PROX1: variants seen among roughly 807,000 people sequenced by gnomAD.
The protein encoded by PROX1 is prospero homeobox protein 1.
PROX1 carries 7 observed loss-of-function variants against 58.8 expected under a neutral mutation model. The observed-to-expected ratio is 0.12, with a 90% confidence interval of 0.07 to 0.22. The LOEUF (loss-of-function observed/expected upper bound fraction) is 0.22. PROX1 is among the 10% of genes least tolerant of loss of function. The pLI is 1.00. For synonymous variants in PROX1, 350 were observed against 358.3 expected (o/e 0.98, Z 0.26); for missense variants, 675 against 927.8 (o/e 0.73, Z 3.54).
Position 213,997,186 on chromosome 1 carries a change from G to A in PROX1, c.651G>A (p.Gln217=). The change falls in exon 2 of 5, where the codon CAG becomes CAA. Residue 217 remains glutamine (Q), a synonymous_variant. Coordinates refer to ENST00000366958, the MANE Select transcript of PROX1 (RefSeq NM_001270616.2). The surrounding 1 kb of genome is among the most constrained non-coding windows in gnomAD (Gnocchi z 7.1). ...GCAAGCAAAAGCTTCCCCAGCAGCAGCAACAGAGTTTCCAGCAGCTGGTTT... is the reference window on the plus strand; with the variant it reads ...GCAAGCAAAAGCTTCCCCAGCAGCAACAACAGAGTTTCCAGCAGCTGGTTT... The part of the protein sequence containing the change: ...NKRKQKLPQQ[Q]QQSFQQLVSA... The A allele has an allele frequency of 6.2e-7, 1 of 1,613,570 alleles. No individual in the cohort carries two copies. The highest frequency in any genetic ancestry group is 8.5e-7 in the Non-Finnish European group (1 of 1,179,890).
intron 3 of PROX1, among the ~76,000 whole-genome samples, chr1:214,007,071 T>C (rs949228570): frequency 6.6e-6 from 1 of 152,170 alleles, no homozygotes; most frequent in African/African-American, 2.4e-5. Flanking sequence ...TGCGTGCATG[T>C]GTGTGGTGTG....
intron 3 of PROX1, among the ~76,000 whole-genome samples, chr1:214,009,865 G>A (rs1663847793): frequency 6.6e-6 from 1 of 152,070 alleles, no homozygotes. Context: ...CTATCATTTT[G>A]TAATGTTTTG....
intron 1 of PROX1, among the ~76,000 whole-genome samples, chr1:213,989,536 G>A (rs1238872104): frequency 6.6e-6 from 1 of 152,072 alleles, no homozygotes; most frequent in Non-Finnish European, 1.5e-5. Flanking sequence ...AGGAGGACTG[G>A]GGAGGGAGGA....
intron 4 of PROX1, among the ~76,000 whole-genome samples, chr1:214,033,119 C>A (rs1339122737): frequency 6.6e-6 from 1 of 152,154 alleles, no homozygotes; most frequent in Non-Finnish European, 1.5e-5. Context: ...CTGTGCAGTT[C>A]TTGGTGTGGG....
rs185972669 is a variant in PROX1 at position 214,005,321 on chromosome 1, A to T, written c.1833+49A>T. ...TTTTTTCATTTTCTATGCATGTGGC[A>T]GTAATTTGAACTCCCGGAAGTTAAT... On this transcript the variant is annotated intron_variant, in intron 3 of 4. Transcript: ENST00000366958. The T allele has an allele frequency of 6.3e-6, 9 of 1,430,152 alleles. No individual in the cohort carries two copies. The African/African-American group carries it at 1.1e-4, about 18-fold the overall frequency. The allele number at this position is 1,430,152 out of a possible 1,614,324, so 88.6% of individuals were successfully genotyped here.
At chr1:214,017,159 C>A (rs755596310) in intron 4 of PROX1, among the ~76,000 whole-genome samples, 9 of 151,778 alleles carry the variant, frequency 5.9e-5, no homozygotes, top group African/African-American at 1.7e-4. Context: ...TTCAGAGGAG[C>A]CTTTAGAAAA....
intron 2 of PROX1, among the ~76,000 whole-genome samples, chr1:214,001,763 G>C (rs1663519340): frequency 6.6e-6 from 1 of 151,958 alleles, no homozygotes; most frequent in Non-Finnish European, 1.5e-5. Flanking sequence ...GGAGGCTATA[G>C]TACTTATATT....
At position 213,998,021 on chromosome 1, in the gene PROX1, C is replaced by T; in HGVS notation, c.1486C>T (p.Pro496Ser). ...CTTGATGGCCTATCCATTTCAGAGC[C>T]CATTAGGTGCTCCCTCCGGCTCCTT... is the stretch of plus-strand genomic sequence containing the variant. ...LPLMAYPFQS[P>S]LGAPSGSFSG... Residue 496 changes from proline (P) to serine (S), a missense_variant, in exon 2 of 5, where the codon CCA becomes TCA. Physicochemically the swap from Pro to Ser is moderately conservative, Grantham distance 74. Around this residue, in one of 8 missense-constraint regions of PROX1, gnomAD observed 403 missense variants for 477.4 expected, o/e 0.84. Coordinates refer to ENST00000366958, the MANE Select transcript of PROX1 (RefSeq NM_001270616.2). The T allele has an allele frequency of 6.2e-7, 1 of 1,612,410 alleles. No homozygotes were observed. Among genetic ancestry groups the T allele is most frequent in the Non-Finnish European group, 8.5e-7 (1 of 1,179,016 alleles).
intron 4 of PROX1, among the ~76,000 whole-genome samples, chr1:214,035,273 AAAAG>A: frequency 6.6e-6 from 1 of 152,346 alleles, no homozygotes; most frequent in South Asian, 2.1e-4. Context: ...ATGGCAATCA[AAAAG>A]AAATAGGATT....
At chr1:213,987,017 G>A (rs1396390487), upstream of PROX1, among the ~76,000 whole-genome samples, 1 of 152,192 alleles carries the variant, frequency 6.6e-6, no homozygotes, top group Non-Finnish European at 1.5e-5. Flanking sequence ...TTGCCCAGGC[G>A]TCAAAACTGT....
intron 4 of PROX1, chr1:214,030,327 T>C (rs189728630): frequency 6.6e-6 from 1 of 152,184 alleles, no homozygotes; most frequent in East Asian, 1.9e-4. Context: ...CGAAGCAAGT[T>C]TGAAAAAAAA....
At chr1:214,002,588 C>T (rs754797623) in intron 2 of PROX1, among the ~76,000 whole-genome samples, 1 of 152,004 alleles carries the variant, frequency 6.6e-6, no homozygotes, top group Non-Finnish European at 1.5e-5. Context: ...CCCCCCTCAC[C>T]CCACTCCCCT....
chr1:214,025,663 CTT>C (rs539954941), intron 4 of PROX1, among the ~76,000 whole-genome samples: 1,415 of 136,448 alleles, frequency 0.01, 19 homozygotes, highest in African/African-American at 0.035. Flanking sequence ...TCTGTGATTC[CTT>C]TTTTTTTTTT....
upstream of PROX1, chr1:213,985,413 G>A (rs759783928): frequency 1.3e-5 from 2 of 152,322 alleles, no homozygotes; most frequent in Admixed American, 1.3e-4. Context: ...GACAGGACAC[G>A]GGACAGGGCT....
At chr1:214,035,389 A>G (rs1184544702) in intron 4 of PROX1, among the ~76,000 whole-genome samples, 3 of 152,224 alleles carry the variant, frequency 2.0e-5, no homozygotes, top group Admixed American at 6.5e-5. Flanking sequence ...CCTAATATCC[A>G]CAATGAAATC....
chr1:213,984,647 T>C (rs1662779648), upstream of PROX1: 1 of 152,710 alleles, frequency 6.5e-6, no homozygotes, highest in Non-Finnish European at 1.5e-5. Flanking sequence ...GTTTTGCCTC[T>C]AGAAAGCTTG....
At chr1:213,992,912 T>C (rs1663088369) in intron 1 of PROX1, among the ~76,000 whole-genome samples, 1 of 152,198 alleles carries the variant, frequency 6.6e-6, no homozygotes, top group Non-Finnish European at 1.5e-5. Flanking sequence ...TCTTTCCTCC[T>C]AACCTTAAGT....
chr1:213,987,858 A>T (rs1342424101), upstream of PROX1: 2 of 150,722 alleles, frequency 1.3e-5, no homozygotes, highest in African/African-American at 4.9e-5. Flanking sequence ...TTGAATCCGA[A>T]GGCGCCTCGC....
At chr1:214,027,234 C>T (rs1664489972) in intron 4 of PROX1, among the ~76,000 whole-genome samples, 1 of 151,500 alleles carries the variant, frequency 6.6e-6, no homozygotes, top group Non-Finnish European at 1.5e-5. Flanking sequence ...CACCCCCTCG[C>T]ACATTAACAT....
Sources: allele counts gnomAD v4.1 joint callset (sites outside exome capture counted in the v4.1 genomes callset), GRCh38; gene constraint gnomAD v4.1.1; regional missense constraint gnomAD v4.1.1; non-coding constraint Gnocchi (gnomAD v3.1); transcripts MANE v1.5; gene names NCBI Gene and HGNC (gene_info 2026-07-23, HGNC 2026-07-21).